The following HK2 variants were observed in gnomAD, a reference collection of about 807,000 sequenced individuals.
The protein encoded by HK2 is hexokinase 2.
Under a neutral mutation model 92.9 loss-of-function variants are expected in HK2, and 42 were observed. The ratio of observed to expected loss-of-function variants is 0.45; its 90% CI spans 0.35 to 0.58. HK2 has a LOEUF of 0.58. Ranked by LOEUF, HK2 falls within the 20% of genes least tolerant of loss-of-function variation. The pLI is 0.00. For missense variants in HK2, 978 were observed against 1,245.1 expected (o/e 0.79, Z 3.23); for synonymous variants, 422 against 468.0 (o/e 0.90, Z 1.27).
intron 16 of HK2, among the ~76,000 whole-genome samples, chr2:74,888,758 G>A (rs1468638863): frequency 1.3e-5 from 2 of 152,138 alleles, no homozygotes; most frequent in Non-Finnish European, 2.9e-5. Context: ...ATATAGGAGG[G>A]TTTATTTTCT....
At chr2:74,866,639 A>T (rs917866446) in intron 2 of HK2, among the ~76,000 whole-genome samples, 1 of 152,142 alleles carries the variant, frequency 6.6e-6, no homozygotes, top group Non-Finnish European at 1.5e-5. Flanking sequence ...CTTCCCAGTG[A>T]CACATGACAG....
intron 10 of HK2, among the ~76,000 whole-genome samples, chr2:74,880,863 A>G (rs1689372739): frequency 6.6e-6 from 1 of 152,204 alleles, no homozygotes; most frequent in African/African-American, 2.4e-5. Context: ...TTATGTATTC[A>G]CCTATGTTTG....
intron 2 of HK2, among the ~76,000 whole-genome samples, chr2:74,865,394 G>A (rs773095717): frequency 4.6e-5 from 7 of 152,120 alleles, no homozygotes; most frequent in Non-Finnish European, 7.3e-5. Flanking sequence ...CCCACCAGGG[G>A]CAGCCTCGCC....
intron 15 of HK2, 21 bp downstream of exon 15, chr2:74,886,694 C>T: frequency 6.2e-7 from 1 of 1,612,394 alleles, no homozygotes; most frequent in Non-Finnish European, 8.5e-7. Flanking sequence ...AACTGGGGCC[C>T]TGTTAAGTGT....
chr2:74,888,189 C>A, intron 16 of HK2, 131 bp downstream of exon 16: 1 of 916,280 alleles, frequency 1.1e-6, no homozygotes, highest in South Asian at 1.5e-5. Context: ...ACATTCATGT[C>A]TATAGTGTTT....
chr2:74,835,835 A>G (rs1344343912), intron 1 of HK2, among the ~76,000 whole-genome samples: 1 of 152,224 alleles, frequency 6.6e-6, no homozygotes, highest in East Asian at 1.9e-4. Context: ...TGATGGGAAC[A>G]CATTTTTGGG....
At chr2:74,848,357 T>C (rs1164962874) in intron 1 of HK2, among the ~76,000 whole-genome samples, 1 of 152,238 alleles carries the variant, frequency 6.6e-6, no homozygotes, top group African/African-American at 2.4e-5. Flanking sequence ...AGAATTGTAA[T>C]AAAATATTAA....
intron 1 of HK2, among the ~76,000 whole-genome samples, chr2:74,852,644 G>A (rs1309830767): frequency 6.6e-6 from 1 of 151,826 alleles, no homozygotes; most frequent in East Asian, 1.9e-4. Context: ...AAACAAGCTG[G>A]GCAATATAGC....
intron 3 of HK2, among the ~76,000 whole-genome samples, chr2:74,870,416 C>T (rs777380545): frequency 3.3e-5 from 5 of 150,482 alleles, no homozygotes; most frequent in African/African-American, 5.0e-5. Flanking sequence ...CTCTACCTTC[C>T]TATGTTAGGA....
intron 2 of HK2, among the ~76,000 whole-genome samples, chr2:74,855,128 C>T (rs1242582711): frequency 1.3e-5 from 2 of 152,204 alleles, no homozygotes; most frequent in Non-Finnish European, 2.9e-5. Flanking sequence ...TCTGGAGTAG[C>T]TGGGATTACA....
intron 1 of HK2, among the ~76,000 whole-genome samples, chr2:74,852,457 C>A (rs950875485): frequency 6.6e-6 from 1 of 152,158 alleles, no homozygotes; most frequent in African/African-American, 2.4e-5. Flanking sequence ...TGAAGCTGCA[C>A]CCTTTTTCCT....
At chr2:74,848,816 T>C (rs1321776180) in intron 1 of HK2, among the ~76,000 whole-genome samples, 1 of 152,208 alleles carries the variant, frequency 6.6e-6, no homozygotes, top group Non-Finnish European at 1.5e-5. Flanking sequence ...GTGGCACCAG[T>C]CTTTCAGTTG....
At chr2:74,871,537 T>C (rs902015293) in intron 3 of HK2, among the ~76,000 whole-genome samples, 12 of 152,184 alleles carry the variant, frequency 7.9e-5, no homozygotes, top group Admixed American at 2.6e-4. Flanking sequence ...AAGCCTGGCT[T>C]ATTATGAATA....
In HK2 at chr2:74,874,518, C is replaced by A. The variant is rs572744785; in HGVS notation, c.875+69C>A. 6 of 1,451,954 alleles carry A rather than the reference C, an allele frequency of 4.1e-6. No homozygotes were observed. The East Asian group carries it at 1.2e-4, about 30-fold the overall frequency. 89.9% of individuals were successfully genotyped at this position (1,451,954 alleles called of 1,614,324 possible). A position where few individuals can be genotyped will look rare whatever the true frequency, so the allele number is the denominator to read the frequency against. On this transcript the variant is annotated intron_variant, in intron 7 of 17. Transcript: ENST00000290573. The stretch of plus-strand genomic sequence containing the variant: ...GAGCTGAGTCTGGGGCTGGTCGGGG[C>A]CAGGGGGTTGTTTCTTTACAGTCTT...
rs1252221062 is a variant in HK2 at position 74,873,907 on chromosome 2, TATG to T, written c.660_662del (p.Asp221del). 1.2e-6 allele frequency: 2 copies of T among 1,613,786 alleles called. No homozygotes were observed. Among genetic ancestry groups the T allele is most frequent in the African/African-American group, 1.3e-5 (1 of 74,902 alleles). On this transcript the variant is annotated inframe_deletion, in exon 6 of 18. Coordinates refer to ENST00000290573, the MANE Select transcript of HK2 (RefSeq NM_000189.5). The stretch of plus-strand genomic sequence containing the variant: ...AGTTGGGACCATGATGACCTGTGGT[TATG>T]ATGACCACAACTGTGAGATTGGTCT...
chr2:74,845,990 C>A (rs1254912670), intron 1 of HK2, among the ~76,000 whole-genome samples: 1 of 152,260 alleles, frequency 6.6e-6, no homozygotes, highest in Admixed American at 6.5e-5. Context: ...GGTGGGCACA[C>A]CTGTGCCCTA....
At chr2:74,880,237 GTC>G (rs1329853759) in intron 9 of HK2, 26 bp from the exon 10 acceptor site, 2 of 1,613,434 alleles carry the variant, frequency 1.2e-6, no homozygotes, top group Non-Finnish European at 1.7e-6. Flanking sequence ...ATGGACACCT[GTC>G]TCTTACCCGC....
At position 74,888,073 on chromosome 2, in the gene HK2, C is replaced by T. The variant is rs1689583539; in HGVS notation, c.2375+15C>T. ...CAGATTGAGAGGTGAGAGCTTAGGGCTCAGGGTAGCAGGGGGGCCATGTCC... is the reference window on the plus strand; with the variant it reads ...CAGATTGAGAGGTGAGAGCTTAGGGTTCAGGGTAGCAGGGGGGCCATGTCC... On this transcript the variant is annotated intron_variant, in intron 16 of 17. Transcript: ENST00000290573. 1 of 1,613,734 alleles carries T rather than the reference C, an allele frequency of 6.2e-7. No homozygotes were observed. Among genetic ancestry groups the T allele is most frequent in the African/African-American group, 1.3e-5 (1 of 74,932 alleles).
intron 1 of HK2, among the ~76,000 whole-genome samples, chr2:74,842,541 C>T (rs1282141356): frequency 6.6e-6 from 1 of 152,152 alleles, no homozygotes; most frequent in Non-Finnish European, 1.5e-5. Context: ...AAAAGAGGCC[C>T]TGCTTTACCC....
Sources: gnomAD v4.1 joint callset for allele counts (sites outside exome capture counted in the v4.1 genomes callset) on GRCh38, gnomAD v4.1.1 for gene constraint, MANE v1.5 for transcripts, NCBI Gene and HGNC (gene_info 2026-07-23, HGNC 2026-07-21) for gene names.